MYRFL: variants seen among roughly 807,000 people sequenced by gnomAD.
MYRFL encodes myelin regulatory factor like.
Under a neutral mutation model 109.4 loss-of-function variants are expected in MYRFL, and 88 were observed. That is an observed-to-expected ratio of 0.80 (90% CI 0.68 to 0.96). The LOEUF (loss-of-function observed/expected upper bound fraction) is 0.96, where lower values mean the gene tolerates loss of function less well. MYRFL is among the 40% of genes least tolerant of loss of function. The pLI is 0.00. For missense variants in MYRFL, 957 were observed against 954.9 expected (o/e 1.00, Z -0.03); for synonymous variants, 324 against 320.9 (o/e 1.01, Z -0.10).
intron 7 of MYRFL, among the ~76,000 whole-genome samples, chr12:69,891,682 T>TTTCTTTCA (rs1277296623): frequency 4.9e-5 from 5 of 101,558 alleles, no homozygotes; most frequent in African/African-American, 2.2e-4. Flanking sequence ...TCTTTCTTTC[T>TTTCTTTCA]TTCGTTCGTT....
intron 4 of MYRFL, 30 bp downstream of exon 4, chr12:69,879,483 A>T (rs777522056): frequency 1.5e-6 from 1 of 681,468 alleles, no homozygotes; most frequent in African/African-American, 1.8e-5. Context: ...GTTATCAAAG[A>T]CCTTTGCGGA....
chr12:69,922,271 G>T (rs1051463759), intron 13 of MYRFL, among the ~76,000 whole-genome samples: 1 of 151,974 alleles, frequency 6.6e-6, no homozygotes, highest in Non-Finnish European at 1.5e-5. Flanking sequence ...AGTAAATAAT[G>T]ATTTAACATT....
chr12:69,950,434 G>C (rs1955946539), intron 19 of MYRFL, among the ~76,000 whole-genome samples: 1 of 152,160 alleles, frequency 6.6e-6, no homozygotes, highest in Middle Eastern at 3.4e-3. Context: ...CTTTCTCCTG[G>C]GATCTCCAGG....
chr12:69,893,433 G>A (rs1287634781), intron 7 of MYRFL, among the ~76,000 whole-genome samples: 1 of 152,156 alleles, frequency 6.6e-6, no homozygotes, highest in Non-Finnish European at 1.5e-5. Context: ...TGCTCCATAA[G>A]TACTTCTAGA....
At chr12:69,874,288 C>T (rs1885526328) in intron 2 of MYRFL, among the ~76,000 whole-genome samples, 1 of 152,222 alleles carries the variant, frequency 6.6e-6, no homozygotes, top group South Asian at 2.1e-4. Flanking sequence ...AGCGATCCTT[C>T]AGCCTCAGCT....
chr12:69,910,175 G>A (rs1954511285), intron 12 of MYRFL, 98 bp downstream of exon 12: 5 of 775,838 alleles, frequency 6.4e-6, no homozygotes, highest in Non-Finnish European at 9.9e-6. Context: ...ATTTGACAAC[G>A]CTATGTTGAT....
chr12:69,939,318 G>T (rs1337491657), intron 19 of MYRFL, among the ~76,000 whole-genome samples: 1 of 152,232 alleles, frequency 6.6e-6, no homozygotes, highest in African/African-American at 2.4e-5. Flanking sequence ...GAGAGCAGTG[G>T]TTCTCCCAGC....
chr12:69,882,961 G>A (rs1380058952), intron 5 of MYRFL, among the ~76,000 whole-genome samples: 1 of 152,148 alleles, frequency 6.6e-6, no homozygotes, highest in Admixed American at 6.5e-5. Context: ...TATGAAACGA[G>A]AATAATAATT....
At chr12:69,863,540 A>G (rs1884827241) in intron 2 of MYRFL, among the ~76,000 whole-genome samples, 1 of 152,230 alleles carries the variant, frequency 6.6e-6, no homozygotes, top group Non-Finnish European at 1.5e-5. Flanking sequence ...TTCACATGAA[A>G]AGTAGAAACC....
Position 69,910,808 on chromosome 12 carries a change from G to A in MYRFL, c.1493-13G>A, listed in dbSNP as rs1371678872. ...TCTTTGAAGATTAAACCTGTGGAGT[G>A]TTTTGTATACAGGAATGATTGCCCA... On this transcript the variant is annotated splice_polypyrimidine_tract_variant and intron_variant, in intron 12 of 24. Transcript: ENST00000552032. The A allele has an allele frequency of 2.6e-6, 4 of 1,519,462 alleles. No homozygotes were observed. Among genetic ancestry groups the A allele is most frequent in the Admixed American group, 2.0e-5 (1 of 50,860 alleles). 94.1% of individuals were successfully genotyped at this position (1,519,462 alleles called of 1,614,324 possible).
chr12:69,867,647 AC>A (rs1252482365), intron 2 of MYRFL, among the ~76,000 whole-genome samples: 1 of 152,166 alleles, frequency 6.6e-6, no homozygotes, highest in African/African-American at 2.4e-5. Context: ...TTAACTTAGG[AC>A]TTGGCTTATT....
At chr12:69,907,538 G>A (rs1954405775) in intron 11 of MYRFL, among the ~76,000 whole-genome samples, 1 of 152,160 alleles carries the variant, frequency 6.6e-6, no homozygotes, top group African/African-American at 2.4e-5. Flanking sequence ...GACTCACAGG[G>A]GCCTATGGCT....
chr12:69,949,446 T>C (rs539299523), intron 19 of MYRFL, among the ~76,000 whole-genome samples: 16 of 152,280 alleles, frequency 1.1e-4, no homozygotes, highest in African/African-American at 3.8e-4. Flanking sequence ...AGCCACTCCC[T>C]GGGCTCCCTC....
chr12:69,924,958 A>G (rs754112784), intron 13 of MYRFL, among the ~76,000 whole-genome samples: 3 of 152,244 alleles, frequency 2.0e-5, no homozygotes, highest in Non-Finnish European at 4.4e-5. Flanking sequence ...GGGCAAAGGC[A>G]TGTGCTAAAT....
chr12:69,900,848 C>G (rs1016823263), intron 10 of MYRFL, among the ~76,000 whole-genome samples: 1 of 152,180 alleles, frequency 6.6e-6, no homozygotes, highest in Non-Finnish European at 1.5e-5. Context: ...AGGCGTCCCC[C>G]TGGAATTGTG....
chr12:69,958,626 T>A lies in MYRFL; in HGVS notation c.*95T>A. 1.1e-6 allele frequency: 1 copy of A among 931,754 alleles called. No homozygotes were observed. The highest frequency in any genetic ancestry group is 1.6e-6 in the Non-Finnish European group (1 of 635,930). The allele number at this position is 931,754 out of a possible 1,614,324, so 57.7% of individuals were successfully genotyped here. On this transcript the variant is annotated 3_prime_UTR_variant, in exon 25 of 25. Transcript: ENST00000552032. The stretch of plus-strand genomic sequence containing the variant: ...CTTGCAACTTCTTTTTTCTTCTTTG[T>A]AAAACATTTACGTTTATTGCTGAAG...
intron 6 of MYRFL, among the ~76,000 whole-genome samples, chr12:69,888,566 C>T (rs1199591456): frequency 6.6e-6 from 1 of 152,118 alleles, no homozygotes; most frequent in African/African-American, 2.4e-5. Context: ...CTTAGGTAAG[C>T]AGATTTCTAT....
At chr12:69,897,730 T>C (rs1004587076) in intron 10 of MYRFL, among the ~76,000 whole-genome samples, 2 of 152,232 alleles carry the variant, frequency 1.3e-5, no homozygotes, top group African/African-American at 4.8e-5. Flanking sequence ...ATCTCATGAA[T>C]TGTAAATGAT....
At position 69,936,095 on chromosome 12, in the gene MYRFL, T is replaced by G. The variant is rs1009008628; in HGVS notation, c.1917-18T>G. 10 of 1,417,152 alleles carry G rather than the reference T, an allele frequency of 7.1e-6. No individual in the cohort carries two copies. Among genetic ancestry groups the G allele is most frequent in the African/African-American group, 1.5e-5 (1 of 66,476 alleles). The allele number at this position is 1,417,152 out of a possible 1,614,324, so 87.8% of individuals were successfully genotyped here. ...CACATAATGTTTTTTTTTTTTTTTT[T>G]TTTTTTTTTTTTGACAGTGCTTTGA... On this transcript the variant is annotated intron_variant, in intron 16 of 24. Transcript: ENST00000552032.
Sources: allele counts gnomAD v4.1 joint callset (sites outside exome capture counted in the v4.1 genomes callset), GRCh38; gene constraint gnomAD v4.1.1; transcripts MANE v1.5; gene names NCBI Gene and HGNC (gene_info 2026-07-23, HGNC 2026-07-21).